PLD5: variants seen among roughly 807,000 people sequenced by gnomAD.
PLD5 encodes inactive phospholipase D5.
In PLD5, 36 loss-of-function variants were observed where a neutral mutation model predicts 61.1. The ratio of observed to expected loss-of-function variants is 0.59; its 90% confidence interval spans 0.45 to 0.78. The LOEUF (loss-of-function observed/expected upper bound fraction) is 0.78. Ranked by LOEUF, PLD5 falls within the 30% of genes least tolerant of loss-of-function variation. The probability of loss-of-function intolerance (pLI) is 0.00; values close to 1 mark genes in which losing one functional copy is unlikely to be tolerated. For synonymous variants in PLD5, 243 were observed against 242.8 expected (o/e 1.00, Z -0.01); for missense variants, 515 against 644.4 (o/e 0.80, Z 2.17).
At chr1:242,210,186 T>C (rs948269475) in intron 5 of PLD5, among the ~76,000 whole-genome samples, 2 of 152,182 alleles carry the variant, frequency 1.3e-5, no homozygotes, top group African/African-American at 4.8e-5. Context: ...GTTTGCCAAG[T>C]TGTGAATACA....
At chr1:242,389,616 G>A (rs1404507282) in intron 1 of PLD5, among the ~76,000 whole-genome samples, 1 of 151,806 alleles carries the variant, frequency 6.6e-6, no homozygotes, top group African/African-American at 2.4e-5. Flanking sequence ...GCAGCAGACG[G>A]AGAAATAAAT....
intron 5 of PLD5, among the ~76,000 whole-genome samples, chr1:242,163,589 A>C (rs1666057985): frequency 6.6e-6 from 1 of 152,256 alleles, no homozygotes; most frequent in South Asian, 2.1e-4. Context: ...TCAGAAAATA[A>C]ATTCTTTCTA....
At chr1:242,488,266 T>C (rs575461451) in intron 1 of PLD5, among the ~76,000 whole-genome samples, 4 of 152,352 alleles carry the variant, frequency 2.6e-5, no homozygotes, top group South Asian at 2.1e-4. Flanking sequence ...AAAATGTGCA[T>C]ACTGATGTTA....
chr1:242,453,673 C>A (rs1424943898), intron 1 of PLD5, among the ~76,000 whole-genome samples: 1 of 152,112 alleles, frequency 6.6e-6, no homozygotes, highest in East Asian at 1.9e-4. Context: ...CACCCACTCC[C>A]TACTATCACA....
intron 1 of PLD5, among the ~76,000 whole-genome samples, chr1:242,505,449 A>T (rs1013982809): frequency 6.6e-6 from 1 of 152,202 alleles, no homozygotes; most frequent in Non-Finnish European, 1.5e-5. Flanking sequence ...ATTATTCACA[A>T]TAGCCAAGTT....
intron 5 of PLD5, among the ~76,000 whole-genome samples, chr1:242,181,104 C>G (rs1667489698): frequency 6.6e-6 from 1 of 152,206 alleles, no homozygotes; most frequent in Non-Finnish European, 1.5e-5. Flanking sequence ...TGCTAGAAGT[C>G]AGTGCTTCTA....
intron 2 of PLD5, among the ~76,000 whole-genome samples, chr1:242,308,931 A>G (rs1336183775): frequency 6.6e-6 from 1 of 151,850 alleles, no homozygotes; most frequent in Non-Finnish European, 1.5e-5. Flanking sequence ...GATTTGGAGG[A>G]GTGTGTGGGA....
intron 1 of PLD5, among the ~76,000 whole-genome samples, chr1:242,459,211 T>C (rs1360378299): frequency 1.3e-5 from 2 of 152,234 alleles, no homozygotes; most frequent in Admixed American, 6.5e-5. Context: ...CGTTTCAATA[T>C]AATAAGTCTG....
At chr1:242,328,427 T>C (rs1658953728) in intron 2 of PLD5, among the ~76,000 whole-genome samples, 1 of 152,166 alleles carries the variant, frequency 6.6e-6, no homozygotes, top group African/African-American at 2.4e-5. Context: ...TTTCTATATA[T>C]GTGTGTTCTA....
chr1:242,509,852 C>A (rs1478627650), intron 1 of PLD5, among the ~76,000 whole-genome samples: 1 of 152,170 alleles, frequency 6.6e-6, no homozygotes, highest in African/African-American at 2.4e-5. Context: ...AGCAGCACCA[C>A]GAGCAGGCTG....
intron 3 of PLD5, among the ~76,000 whole-genome samples, chr1:242,278,725 C>T (rs983468090): frequency 6.6e-6 from 1 of 152,136 alleles, no homozygotes; most frequent in Non-Finnish European, 1.5e-5. Flanking sequence ...ATGGAGGTAG[C>T]GACCCTTGCT....
intron 1 of PLD5, among the ~76,000 whole-genome samples, chr1:242,400,007 A>G (rs1028605566): frequency 1.3e-5 from 2 of 152,088 alleles, no homozygotes; most frequent in African/African-American, 4.8e-5. Context: ...AGTCTCTACT[A>G]AAAATACAAA....
chr1:242,206,446 G>C (rs1166414507), intron 5 of PLD5, among the ~76,000 whole-genome samples: 6 of 152,136 alleles, frequency 3.9e-5, no homozygotes, highest in East Asian at 1.9e-4. Flanking sequence ...ATGTACAGTG[G>C]ATCCTTGAAC....
In PLD5 at chr1:242,090,000, C is replaced by T. The variant is rs1659698046; in HGVS notation, c.1465G>A (p.Val489Met). The change falls in exon 10 of 10, where the codon GTG becomes ATG. Residue 489 changes from valine (V) to methionine (M), a missense_variant. Coordinates refer to ENST00000536534, the MANE Select transcript of PLD5 (RefSeq NM_001372062.1). ...NRSIIKQLKDVFERDWYSPYA... is the reference protein window; with the variant it reads ...NRSIIKQLKDMFERDWYSPYA... ...GGTGAATACCAGTCCCTTTCAAACA[C>T]ATCTTTAAGTTGCTTAATGATGCTT... The T allele has an allele frequency of 6.2e-7, 1 of 1,614,198 alleles. No homozygotes were observed. The highest frequency in any genetic ancestry group is 8.5e-7 in the Non-Finnish European group (1 of 1,180,038).
At chr1:242,475,783 T>C (rs1388563389) in intron 1 of PLD5, among the ~76,000 whole-genome samples, 3 of 152,106 alleles carry the variant, frequency 2.0e-5, no homozygotes, top group African/African-American at 4.8e-5. Flanking sequence ...CCTAATCCCA[T>C]ATGACTGGTG....
chr1:242,409,029 T>C (rs921005849), intron 1 of PLD5, among the ~76,000 whole-genome samples: 8 of 150,984 alleles, frequency 5.3e-5, no homozygotes, highest in Non-Finnish European at 7.4e-5. Context: ...ATCATGCCAC[T>C]GCACTCCAGT....
At chr1:242,529,935 C>T in the PLD5 span, among the ~76,000 whole-genome samples, 2 of 152,078 alleles carry the variant, frequency 1.3e-5, no homozygotes, top group African/African-American at 4.8e-5. Context: ...ATGGCACAAA[C>T]TCGGCGCACC....
At position 242,520,253 on chromosome 1, in the gene PLD5, T is replaced by C. The variant is rs571636890; in HGVS notation, c.189+3835A>G. Among the ~76,000 whole-genome samples the C allele has an allele frequency of 8.5e-5, 13 of 152,286 alleles. No homozygotes were observed. The East Asian group carries it at 1.4e-3, about 16-fold the overall frequency. On this transcript the variant is annotated intron_variant, in intron 1 of 9. Coordinates refer to ENST00000536534, the MANE Select transcript of PLD5 (RefSeq NM_001372062.1). ...AAACAATATCAGAATGGAGCTTCCA[T>C]TGGGCAAGGCAACCAAGATGAGGAT...
chr1:242,236,040 T>A (rs1372492104), intron 4 of PLD5: 1 of 152,156 alleles, frequency 6.6e-6, no homozygotes, highest in East Asian at 1.9e-4. Flanking sequence ...AACATGTGAT[T>A]CGTGAAGGGG....
Sources: gnomAD v4.1 joint callset for allele counts (sites outside exome capture counted in the v4.1 genomes callset) on GRCh38, gnomAD v4.1.1 for gene constraint, MANE v1.5 for transcripts, NCBI Gene and HGNC (gene_info 2026-07-23, HGNC 2026-07-21) for gene names.